AKAP6: variants seen among roughly 807,000 people sequenced by gnomAD.
The protein encoded by AKAP6 is A-kinase anchoring protein 6.
A neutral mutation model predicts 188.5 loss-of-function variants in AKAP6; 58 were observed. The ratio of observed to expected loss-of-function variants is 0.31; its 90% CI spans 0.25 to 0.38. The LOEUF is 0.38. Among genes scored for constraint, AKAP6 ranks in the 10% least tolerant of loss-of-function variants. The pLI, the probability that AKAP6 is intolerant of heterozygous loss-of-function variation, is 1.00. For synonymous variants in AKAP6, 989 were observed against 998.6 expected, an observed-to-expected ratio of 0.99 and a Z score of 0.18; for missense variants, 2,710 against 2,740.0, an observed-to-expected ratio of 0.99 and a Z score of 0.24.
chr14:32,786,622 C>A (rs2140038122), intron 12 of AKAP6, among the ~76,000 whole-genome samples: 1 of 152,126 alleles, frequency 6.6e-6, no homozygotes, highest in African/African-American at 2.4e-5. Context: ...CAGCACCCAG[C>A]CTAAACCTTT....
At chr14:32,709,683 G>A (rs1394839700) in intron 9 of AKAP6, among the ~76,000 whole-genome samples, 1 of 152,018 alleles carries the variant, frequency 6.6e-6, no homozygotes, top group African/African-American at 2.4e-5. Flanking sequence ...GAATTCCACA[G>A]CCTTCCATTA....
In AKAP6 at chr14:32,397,053, T is replaced by C. The variant is rs541413323; in HGVS notation, c.-34-36407T>C. 2.5e-3 allele frequency among the ~76,000 whole-genome samples: 384 copies of C among 152,300 alleles called. 4 individuals carry two copies. Among genetic ancestry groups the C allele is most frequent in the African/African-American group, 8.8e-3 (364 of 41,576 alleles). ...CAAAAAAGTAGTTTCCTTAGACCAGTGCTTATTGAAACACAAATTTCTGGG... is the reference window on the plus strand; with the variant it reads ...CAAAAAAGTAGTTTCCTTAGACCAGCGCTTATTGAAACACAAATTTCTGGG... On this transcript the variant is annotated intron_variant, in intron 1 of 13. Coordinates refer to ENST00000280979, the MANE Select transcript of AKAP6 (RefSeq NM_004274.5).
At chr14:32,583,635 G>A (rs936290135) in intron 5 of AKAP6, among the ~76,000 whole-genome samples, 4 of 152,306 alleles carry the variant, frequency 2.6e-5, no homozygotes, top group Middle Eastern at 6.8e-3. Context: ...CACCCAGTTC[G>A]AGCTTCCTGG....
intron 12 of AKAP6, among the ~76,000 whole-genome samples, chr14:32,797,532 T>A (rs2033807874): frequency 6.6e-6 from 1 of 152,164 alleles, no homozygotes. Flanking sequence ...AAACATTGCA[T>A]GTTCTTACTT....
At chr14:32,752,093 A>G (rs1281178759) in intron 11 of AKAP6, among the ~76,000 whole-genome samples, 2 of 152,190 alleles carry the variant, frequency 1.3e-5, no homozygotes, top group Non-Finnish European at 2.9e-5. Flanking sequence ...TTGAAATATT[A>G]TATAAATGGC....
chr14:32,334,821 A>G (rs963800703), intron 1 of AKAP6, among the ~76,000 whole-genome samples: 1 of 152,222 alleles, frequency 6.6e-6, no homozygotes, highest in Admixed American at 6.5e-5. Context: ...TGTTTTCCTC[A>G]TAAGCCACCA....
At chr14:32,459,855 T>C (rs2138816007) in intron 2 of AKAP6, among the ~76,000 whole-genome samples, 1 of 151,822 alleles carries the variant, frequency 6.6e-6, no homozygotes, top group Admixed American at 6.6e-5. Context: ...CAGACAAACT[T>C]GCAAGAAATA....
intron 11 of AKAP6, among the ~76,000 whole-genome samples, chr14:32,751,065 G>A (rs1007094653): frequency 3.9e-5 from 6 of 151,992 alleles, no homozygotes; most frequent in African/African-American, 1.4e-4. Context: ...TCTAGCCTGG[G>A]CAAGATAGTG....
intron 1 of AKAP6, among the ~76,000 whole-genome samples, chr14:32,399,386 G>A (rs1458805122): frequency 6.6e-6 from 1 of 152,128 alleles, no homozygotes; most frequent in Non-Finnish European, 1.5e-5. Flanking sequence ...CAGATCAAGA[G>A]GTTTCACAAA....
Position 32,732,067 on chromosome 14 carries a change from A to G in AKAP6, c.3001-387A>G, listed in dbSNP as rs77722558. ...CTTTATGAATAATTTTTTTTCTTTC[A>G]CTTTGAAACTGGTCCTTTAGGGGAA... is the stretch of plus-strand genomic sequence containing the variant. On this transcript the variant is annotated intron_variant, in intron 9 of 13. Coordinates refer to ENST00000280979, the MANE Select transcript of AKAP6 (RefSeq NM_004274.5). 7.7e-3 allele frequency among the ~76,000 whole-genome samples: 1,172 copies of G among 152,082 alleles called. 19 individuals are homozygous for G. The highest frequency in any genetic ancestry group is 0.027 in the African/African-American group (1,126 of 41,538).
intron 2 of AKAP6, among the ~76,000 whole-genome samples, chr14:32,481,191 G>A (rs568228682): frequency 5.9e-5 from 9 of 152,078 alleles, no homozygotes; most frequent in South Asian, 2.1e-4. Context: ...TCTATAACCC[G>A]TGATTAGATA....
intron 2 of AKAP6, among the ~76,000 whole-genome samples, chr14:32,451,019 G>A (rs1890919041): frequency 6.6e-6 from 1 of 152,048 alleles, no homozygotes; most frequent in Admixed American, 6.5e-5. Flanking sequence ...ATCTGGTAGT[G>A]GAAAAAATTA....
intron 1 of AKAP6, among the ~76,000 whole-genome samples, chr14:32,333,646 T>G (rs1201315766): frequency 6.6e-6 from 1 of 152,170 alleles, no homozygotes; most frequent in East Asian, 1.9e-4. Flanking sequence ...ATAATAACTT[T>G]TTTTTTTCTT....
At position 32,732,520 on chromosome 14, in the gene AKAP6, T is replaced by A. The variant is rs1276859733; in HGVS notation, c.3067T>A (p.Leu1023Met). The change falls in exon 10 of 14, where the codon TTG (leucine) becomes ATG (methionine). Residue 1023 changes from leucine (L) to methionine (M), a missense_variant. Physicochemically the swap from Leu to Met is conservative, Grantham distance 15. Transcript: ENST00000280979. ...KTELLSKVEA[L>M]KKGGVLLPND... is the part of the protein sequence containing the mutation. ...GGAGCTGCTTAGTAAGGTTGAAGCT[T>A]TGAAGAAAGGTGGCGTTTTACTACC... The A allele has an allele frequency of 6.2e-7, 1 of 1,613,450 alleles. No homozygotes were observed. The highest frequency in any genetic ancestry group is 1.3e-5 in the African/African-American group (1 of 74,892).
intron 1 of AKAP6, among the ~76,000 whole-genome samples, chr14:32,422,145 T>G (rs1191366227): frequency 1.3e-5 from 2 of 152,196 alleles, no homozygotes; most frequent in Admixed American, 1.3e-4. Flanking sequence ...ATTAATCTTC[T>G]TAACATATGA....
chr14:32,528,402 T>G (rs1015788350), intron 2 of AKAP6, among the ~76,000 whole-genome samples: 14 of 152,116 alleles, frequency 9.2e-5, no homozygotes, highest in African/African-American at 3.4e-4. Flanking sequence ...CTTGTAGATG[T>G]CCAGTTCCAG....
At chr14:32,721,763 T>C (rs2030549069) in intron 9 of AKAP6, among the ~76,000 whole-genome samples, 1 of 152,216 alleles carries the variant, frequency 6.6e-6, no homozygotes, top group African/African-American at 2.4e-5. Flanking sequence ...AACTTGGTGA[T>C]TTTCAGTCTT....
Position 32,761,436 on chromosome 14 carries a change from T to C in AKAP6, c.3373-12242T>C, listed in dbSNP as rs536794668. 2.0e-5 allele frequency among the ~76,000 whole-genome samples: 3 copies of C among 152,194 alleles called. No individual in the cohort carries two copies. The East Asian group carries it at 5.8e-4, about 29-fold the overall frequency. On this transcript the variant is annotated intron_variant, in intron 11 of 13. Coordinates refer to ENST00000280979, the MANE Select transcript of AKAP6 (RefSeq NM_004274.5). ...GTTCTAGGAGTGGCTTGTTAGAAAA[T>C]TAAGAATATATTAGCTAAAAATAAG... is the stretch of plus-strand genomic sequence containing the variant.
intron 1 of AKAP6, among the ~76,000 whole-genome samples, chr14:32,331,018 A>C (rs1374267968): frequency 6.6e-6 from 1 of 152,034 alleles, no homozygotes; most frequent in East Asian, 1.9e-4. Flanking sequence ...AACACATCTA[A>C]GTCGAAAGCT....
Sources: gnomAD v4.1 joint callset for allele counts (sites outside exome capture counted in the v4.1 genomes callset) on GRCh38, gnomAD v4.1.1 for gene constraint, MANE v1.5 for transcripts, NCBI Gene and HGNC (gene_info 2026-07-23, HGNC 2026-07-21) for gene names.